The following SLC25A21 variants were observed in gnomAD, a reference collection of about 807,000 sequenced individuals.
SLC25A21 encodes mitochondrial 2-oxodicarboxylate carrier.
A neutral mutation model predicts 43.8 loss-of-function variants in SLC25A21; 47 were observed. The ratio of observed to expected loss-of-function variants is 1.07; its 90% CI spans 0.85 to 1.37. The LOEUF is 1.37. SLC25A21 is among the 40% of genes most tolerant of loss of function. The pLI is 0.00. For missense variants in SLC25A21, 352 were observed against 350.2 expected, an observed-to-expected ratio of 1.00 and a Z score of -0.04; for synonymous variants, 131 against 121.3, an observed-to-expected ratio of 1.08 and a Z score of -0.52.
chr14:36,885,472 G>A (rs1334912351), intron 1 of SLC25A21, among the ~76,000 whole-genome samples: 3 of 152,092 alleles, frequency 2.0e-5, no homozygotes, highest in Non-Finnish European at 2.9e-5. Flanking sequence ...ACAAAGTTTA[G>A]AATTATTTTT....
rs186651305 is a variant in SLC25A21 at position 37,144,831 on chromosome 14, C to T, written c.70+27450G>A. Among the ~76,000 whole-genome samples, 6 of 151,756 alleles carry T rather than the reference C, an allele frequency of 4.0e-5. No homozygotes were observed. In the East Asian group the frequency reaches 1.2e-3, roughly 29 times the overall value. On this transcript the variant is annotated intron_variant, in intron 1 of 9. Coordinates refer to ENST00000331299, the MANE Select transcript of SLC25A21 (RefSeq NM_030631.4). ...TATTTTTAGTAGAGATAGGATTTCA[C>T]CATATTGCCCATGCTGGTCTTGAAT...
At chr14:36,712,856 C>T (rs1883945898) in intron 6 of SLC25A21, among the ~76,000 whole-genome samples, 1 of 152,176 alleles carries the variant, frequency 6.6e-6, no homozygotes, top group African/African-American at 2.4e-5. Flanking sequence ...TGTGTTTCAG[C>T]ACATTGACTT....
chr14:36,904,377 TA>T (rs1434307922), intron 1 of SLC25A21, among the ~76,000 whole-genome samples: 1 of 152,212 alleles, frequency 6.6e-6, no homozygotes, highest in Non-Finnish European at 1.5e-5. Flanking sequence ...GTTTTTCCCT[TA>T]AATTTCAAAG....
At chr14:36,700,432 G>A (rs1883228743) in intron 7 of SLC25A21, among the ~76,000 whole-genome samples, 1 of 152,230 alleles carries the variant, frequency 6.6e-6, no homozygotes, top group Non-Finnish European at 1.5e-5. Flanking sequence ...TAGTAGGACA[G>A]ATGGGCTGCT....
intron 1 of SLC25A21, among the ~76,000 whole-genome samples, chr14:37,094,750 A>C (rs1962653322): frequency 6.9e-6 from 1 of 144,608 alleles, no homozygotes; most frequent in East Asian, 2.0e-4. Context: ...AAAAAAAAAA[A>C]CTGCAAACAA....
At chr14:36,832,419 G>A (rs1889070011) in intron 2 of SLC25A21, among the ~76,000 whole-genome samples, 1 of 152,114 alleles carries the variant, frequency 6.6e-6, no homozygotes. Context: ...GCAATGTCTG[G>A]AATTTTCTCA....
chr14:36,999,531 C>A (rs1200733887), intron 1 of SLC25A21, among the ~76,000 whole-genome samples: 1 of 151,956 alleles, frequency 6.6e-6, no homozygotes, highest in Non-Finnish European at 1.5e-5. Context: ...AATGATGTGG[C>A]AATGTAGGTT....
intron 1 of SLC25A21, among the ~76,000 whole-genome samples, chr14:37,029,893 T>C (rs1566827184): frequency 6.6e-6 from 1 of 151,294 alleles, no homozygotes; most frequent in Non-Finnish European, 1.5e-5. Context: ...GCCTCCCAAG[T>C]AGCGGGGATT....
At chr14:36,815,009 G>A (rs1447673750) in intron 2 of SLC25A21, among the ~76,000 whole-genome samples, 5 of 152,144 alleles carry the variant, frequency 3.3e-5, no homozygotes, top group Non-Finnish European at 5.9e-5. Flanking sequence ...ATGAGTTCAC[G>A]TCCTTTGCAG....
chr14:36,824,307 A>G (rs1888741327), intron 2 of SLC25A21, among the ~76,000 whole-genome samples: 1 of 152,150 alleles, frequency 6.6e-6, no homozygotes, highest in Admixed American at 6.5e-5. Flanking sequence ...AAATATGCTT[A>G]TTCTTATCAT....
intron 1 of SLC25A21, among the ~76,000 whole-genome samples, chr14:36,982,731 T>C (rs1960057324): frequency 6.6e-6 from 1 of 152,156 alleles, no homozygotes; most frequent in Middle Eastern, 3.4e-3. Flanking sequence ...GGAGGATCGC[T>C]TGAGCCTGGG....
At chr14:37,064,459 T>G (rs1962017100) in intron 1 of SLC25A21, among the ~76,000 whole-genome samples, 1 of 151,554 alleles carries the variant, frequency 6.6e-6, no homozygotes, top group African/African-American at 2.4e-5. Flanking sequence ...TGGTCTGTCT[T>G]GGGAGAACCC....
chr14:36,992,938 C>T (rs1960295670), intron 1 of SLC25A21, among the ~76,000 whole-genome samples: 1 of 152,178 alleles, frequency 6.6e-6, no homozygotes, highest in Non-Finnish European at 1.5e-5. Flanking sequence ...AAACCCACTT[C>T]CTTTCTGTGT....
chr14:37,062,469 A>T (rs10148275), intron 1 of SLC25A21, among the ~76,000 whole-genome samples: 35,041 of 149,430 alleles, frequency 0.23, 4,404 homozygotes, highest in Non-Finnish European at 0.28. Context: ...TTTTTTTTTT[A>T]AAAAAAGAAC....
At chr14:36,846,625 A>T (rs1594636612) in intron 2 of SLC25A21, among the ~76,000 whole-genome samples, 1 of 152,066 alleles carries the variant, frequency 6.6e-6, no homozygotes. Flanking sequence ...CAGGTGATCC[A>T]CCTGCTTCAG....
At chr14:36,701,909 C>G (rs1390770067) in intron 7 of SLC25A21, among the ~76,000 whole-genome samples, 1 of 152,050 alleles carries the variant, frequency 6.6e-6, no homozygotes, top group Admixed American at 6.6e-5. Context: ...ATTGAGAAAC[C>G]AGAGGGAGCA....
At chr14:36,971,613 T>C (rs1451740461) in intron 1 of SLC25A21, among the ~76,000 whole-genome samples, 1 of 151,950 alleles carries the variant, frequency 6.6e-6, no homozygotes, top group African/African-American at 2.4e-5. Context: ...TTCGGGCACC[T>C]CTCTCTCAAA....
At chr14:36,836,846 G>A (rs550823562) in intron 2 of SLC25A21, among the ~76,000 whole-genome samples, 1 of 152,302 alleles carries the variant, frequency 6.6e-6, no homozygotes, top group Admixed American at 6.5e-5. Flanking sequence ...AGAGATGCAG[G>A]AGATGAATAT....
intron 7 of SLC25A21, among the ~76,000 whole-genome samples, chr14:36,701,057 A>T (rs1382427281): frequency 6.6e-6 from 1 of 152,182 alleles, no homozygotes; most frequent in Non-Finnish European, 1.5e-5. Context: ...AAGTCAGCTT[A>T]CAAGTAGAGT....
Sources: allele counts gnomAD v4.1 joint callset (sites outside exome capture counted in the v4.1 genomes callset), GRCh38; gene constraint gnomAD v4.1.1; transcripts MANE v1.5; gene names NCBI Gene and HGNC (gene_info 2026-07-23, HGNC 2026-07-21).